ITPRID1: variants seen among roughly 807,000 people sequenced by gnomAD.
ITPRID1 encodes the protein ITPR interacting domain containing 1.
ITPRID1 carries 96 observed loss-of-function variants against 95.4 expected under a neutral mutation model. The ratio of observed to expected loss-of-function variants is 1.01; its 90% CI spans 0.85 to 1.19. ITPRID1 has a LOEUF of 1.19. ITPRID1 is among the 50% of genes most tolerant of loss of function. The probability of loss-of-function intolerance (pLI) is 0.00; values close to 1 mark genes in which losing one functional copy is unlikely to be tolerated. For missense variants in ITPRID1, 1,339 were observed against 1,252.9 expected (o/e 1.07, Z -1.04); for synonymous variants, 510 against 453.6 (o/e 1.12, Z -1.58).
rs183922231 is a variant in ITPRID1, at chr7:31,514,369, C to T, written c.-98+249C>T. On this transcript the variant is annotated intron_variant, in intron 1 of 14. Coordinates refer to ENST00000615280, the MANE Select transcript of ITPRID1 (RefSeq NM_001257967.3). ...TTAAATGCAGGTGAAATTGATCAGA[C>T]TGAAGTTGTTAGAATCAAATAAAAT... Among the ~76,000 whole-genome samples, 274 of 152,250 alleles carry T rather than the reference C, an allele frequency of 1.8e-3. 1 individual carries two copies. The highest frequency in any genetic ancestry group is 1.2e-3 in the East Asian group (6 of 5,182).
intron 1 of ITPRID1, among the ~76,000 whole-genome samples, chr7:31,530,368 G>A (rs540786034): frequency 2.6e-5 from 4 of 152,276 alleles, no homozygotes; most frequent in Admixed American, 6.5e-5. Context: ...TGAACGTGAT[G>A]TACTGGAGCC....
intron 10 of ITPRID1, among the ~76,000 whole-genome samples, chr7:31,615,753 T>TTTC (rs1021384456): frequency 1.3e-3 from 7 of 5,474 alleles, no homozygotes; most frequent in East Asian, 0.25. Context: ...CTGAGAATTC[T>TTTC]TTTTTTTTTT....
At chr7:31,634,169 C>T (rs1369111339) in intron 10 of ITPRID1, among the ~76,000 whole-genome samples, 2 of 152,180 alleles carry the variant, frequency 1.3e-5, no homozygotes, top group South Asian at 2.1e-4. Flanking sequence ...TGTTTCCCAA[C>T]TTACAAGTCA....
intron 5 of ITPRID1, among the ~76,000 whole-genome samples, chr7:31,561,007 G>T (rs2098135): frequency 0.58 from 87,395 of 151,728 alleles, 26,388 homozygotes; most frequent in Middle Eastern, 0.71. Context: ...CAAAAGAGAA[G>T]AGTCTGAAGG....
At chr7:31,598,398 CTTTTTTTTTTTTTTTTTTT>C (rs869161999) in intron 10 of ITPRID1, among the ~76,000 whole-genome samples, 1 of 106,830 alleles carries the variant, frequency 9.4e-6, no homozygotes, top group African/African-American at 3.7e-5. Flanking sequence ...TTTTTTTTTT[CTTTTTTTTTTTTTTTTTTT>C]TTTTGAGACG....
intron 5 of ITPRID1, among the ~76,000 whole-genome samples, chr7:31,565,332 T>C (rs1476516168): frequency 1.3e-5 from 2 of 152,240 alleles, no homozygotes; most frequent in Non-Finnish European, 2.9e-5. Context: ...ATATTCAGTT[T>C]TCCTTGCCTT....
intron 10 of ITPRID1, among the ~76,000 whole-genome samples, chr7:31,605,684 C>T (rs914488158): frequency 6.6e-6 from 1 of 152,182 alleles, no homozygotes; most frequent in African/African-American, 2.4e-5. Flanking sequence ...TATTAGGGTT[C>T]TTTCTCTCAT....
chr7:31,641,967 T>C lies in ITPRID1; in HGVS notation c.1229-209T>C, dbSNP rs530148625. On this transcript the variant is annotated intron_variant, in intron 10 of 14. Coordinates refer to ENST00000615280, the MANE Select transcript of ITPRID1 (RefSeq NM_001257967.3). ...TTCCTTCGTTTCAGGTTTTATTCTTTGTATCAGGAAACCAGTGATGCAATT... is the reference window on the plus strand; with the variant it reads ...TTCCTTCGTTTCAGGTTTTATTCTTCGTATCAGGAAACCAGTGATGCAATT... Among the ~76,000 whole-genome samples the C allele has an allele frequency of 5.3e-5, 8 of 152,316 alleles. No homozygotes were observed. The South Asian group carries it at 1.0e-3, about 20-fold the overall frequency.
chr7:31,652,454 G>T, intron 14 of ITPRID1, 64 bp from the exon 15 acceptor site: 1 of 1,507,206 alleles, frequency 6.6e-7, no homozygotes. Flanking sequence ...TCACAAGTTT[G>T]AGTAAGCTGT....
chr7:31,568,392 A>G (rs1784871948), intron 5 of ITPRID1, among the ~76,000 whole-genome samples: 1 of 152,158 alleles, frequency 6.6e-6, no homozygotes, highest in Admixed American at 6.5e-5. Context: ...TAAATCATTC[A>G]GGATTGCTTT....
intron 12 of ITPRID1, among the ~76,000 whole-genome samples, chr7:31,647,710 A>AGAAGACGATGACGAC (rs1554299905): frequency 4.0e-5 from 6 of 149,774 alleles, no homozygotes; most frequent in Admixed American, 1.3e-4. Flanking sequence ...AGGAAGAAGA[A>AGAAGACGATGACGAC]GACGATGACG....
At chr7:31,515,858 G>C (rs147175309) in intron 1 of ITPRID1, among the ~76,000 whole-genome samples, 1,588 of 152,240 alleles carry the variant, frequency 0.01, 23 homozygotes, top group African/African-American at 0.036. Context: ...GAGAATGAAG[G>C]GAGCAGGGAA....
intron 10 of ITPRID1, among the ~76,000 whole-genome samples, chr7:31,588,615 G>A (rs1785723995): frequency 3.8e-5 from 1 of 26,222 alleles, no homozygotes. Context: ...CTGGGCAACA[G>A]AGTGATACTC....
rs757308052 is a variant in ITPRID1, at chr7:31,554,514, C to T, written c.203C>T (p.Ser68Phe). 8.1e-6 allele frequency: 13 copies of T among 1,612,902 alleles called. No individual in the cohort carries two copies. The East Asian group carries it at 2.9e-4, about 36-fold the overall frequency. ...KQESIQQWLD[S>F]GFFVSANENF... is the part of the protein sequence containing the mutation. ...GAAAGTATTCAGCAGTGGCTGGACT[C>T]TGGATTCTTGTAAGTGTTTTTGTGT... The change falls in exon 4 of 15, where the codon TCT (serine) becomes TTT (phenylalanine). Residue 68 changes from serine (S) to phenylalanine (F), a missense_variant. Ser to Phe is a radical substitution (Grantham distance 155, BLOSUM62 -2). Transcript: ENST00000615280.
chr7:31,605,736 T>C (rs1264982755), intron 10 of ITPRID1, among the ~76,000 whole-genome samples: 1 of 152,142 alleles, frequency 6.6e-6, no homozygotes, highest in Non-Finnish European at 1.5e-5. Flanking sequence ...GAAAAAAGAG[T>C]TGGCATTTTC....
At position 31,520,552 on chromosome 7, in the gene ITPRID1, TGTGTGTGTGTGTGAGA is replaced by T. The variant is rs1423596429; in HGVS notation, c.-98+6434_-98+6449del. On this transcript the variant is annotated intron_variant, in intron 1 of 14. Transcript: ENST00000615280. Reference sequence around the variant, plus strand: ...GTGTGTGTGTGTGTGTGTGTGTGTGTGTGTGTGTGTGTGAGAGAGAGAGAGAGAGTTTGGCACTTTT... The same window carrying T: ...GTGTGTGTGTGTGTGTGTGTGTGTGTGAGAGAGAGAGAGTTTGGCACTTTT... Among the ~76,000 whole-genome samples the T allele has an allele frequency of 5.9e-3, 522 of 87,898 alleles. 4 individuals carry two copies. Among genetic ancestry groups the T allele is most frequent in the African/African-American group, 0.027 (482 of 18,138 alleles). 57.7% of individuals were successfully genotyped at this position (87,898 alleles called of 152,430 possible).
rs572475965 is a variant in ITPRID1 at position 31,638,067 on chromosome 7, A to T, written c.1229-4109A>T. Among the ~76,000 whole-genome samples, 5 of 152,286 alleles carry T rather than the reference A, an allele frequency of 3.3e-5. No homozygotes were observed. In the South Asian group the frequency reaches 1.0e-3, roughly 32 times the overall value. The stretch of plus-strand genomic sequence containing the variant: ...CAGGTTATTAAGCAGAGGGGCTCCC[A>T]CCAAAGTGTGCAGGGCCATTTGCAT... On this transcript the variant is annotated intron_variant, in intron 10 of 14. Coordinates refer to ENST00000615280, the MANE Select transcript of ITPRID1 (RefSeq NM_001257967.3).
intron 5 of ITPRID1, 102 bp from the exon 6 acceptor site, chr7:31,569,656 G>A: frequency 1.1e-6 from 1 of 947,392 alleles, no homozygotes; most frequent in Admixed American, 2.2e-5. Context: ...TATAACCTTG[G>A]ATATGGAAAT....
intron 5 of ITPRID1, among the ~76,000 whole-genome samples, chr7:31,568,113 G>A (rs572650858): frequency 2.0e-4 from 25 of 124,278 alleles, no homozygotes; most frequent in South Asian, 7.7e-4. Flanking sequence ...GTGACAGAGC[G>A]AACTGTCTGA....
Sources: gnomAD v4.1 joint callset for allele counts (sites outside exome capture counted in the v4.1 genomes callset) on GRCh38, gnomAD v4.1.1 for gene constraint, MANE v1.5 for transcripts, NCBI Gene and HGNC (gene_info 2026-07-23, HGNC 2026-07-21) for gene names.